GATAD2A: variants seen among roughly 807,000 people sequenced by gnomAD.
The protein encoded by GATAD2A is GATA zinc finger domain containing 2A, also known as transcriptional repressor p66-alpha.
In GATAD2A, 12 loss-of-function variants were observed where a neutral mutation model predicts 68.5. The observed-to-expected ratio is 0.18, with a 90% CI of 0.11 to 0.28. GATAD2A has a LOEUF of 0.28. Among genes scored for constraint, GATAD2A ranks in the 10% least tolerant of loss-of-function variants. GATAD2A has a pLI of 1.00. For synonymous variants in GATAD2A, 410 were observed against 375.3 expected (o/e 1.09, Z -1.07); for missense variants, 755 against 868.5 (o/e 0.87, Z 1.64).
At chr19:19,418,451 A>G (rs2051922335) in intron 1 of GATAD2A, among the ~76,000 whole-genome samples, 1 of 152,236 alleles carries the variant, frequency 6.6e-6, no homozygotes, top group Admixed American at 6.5e-5. Context: ...TATGAATGAA[A>G]TAGCAGCAGA....
chr19:19,470,523 A>C (rs1192742506), intron 2 of GATAD2A, among the ~76,000 whole-genome samples: 1 of 152,236 alleles, frequency 6.6e-6, no homozygotes, highest in Non-Finnish European at 1.5e-5. Context: ...ATTGATGGAA[A>C]TTAATCAGTT....
intron 1 of GATAD2A, among the ~76,000 whole-genome samples, chr19:19,394,020 G>T (rs1321884335): frequency 4.6e-5 from 7 of 151,924 alleles, no homozygotes. Flanking sequence ...CCGAGTAGCT[G>T]GGATTACAGG....
chr19:19,500,059 C>T (rs1328984366), intron 8 of GATAD2A, among the ~76,000 whole-genome samples: 1 of 152,236 alleles, frequency 6.6e-6, no homozygotes, highest in Admixed American at 6.5e-5. Flanking sequence ...ATCCGCTCTC[C>T]CAGACCAGTC....
chr19:19,501,070 A>ACCT, intron 8 of GATAD2A, 48 bp from the exon 9 acceptor site: 1 of 1,548,404 alleles, frequency 6.5e-7, no homozygotes, highest in South Asian at 1.2e-5. Flanking sequence ...CAGGGCCCTG[A>ACCT]CTGTCGTCCT....
intron 1 of GATAD2A, among the ~76,000 whole-genome samples, chr19:19,408,549 T>C (rs2050557711): frequency 6.6e-6 from 1 of 152,218 alleles, no homozygotes. Context: ...ATGTTTTTAA[T>C]GAGGAAACAT....
rs34271697 is a variant in GATAD2A at position 19,446,483 on chromosome 19, G to GT, written c.-6-18846dup. 6.2e-3 allele frequency among the ~76,000 whole-genome samples: 892 copies of GT among 144,040 alleles called. 6 individuals are homozygous for GT. The highest frequency in any genetic ancestry group is 9.1e-3 in the Non-Finnish European group (592 of 65,256). 94.5% of individuals were successfully genotyped at this position (144,040 alleles called of 152,430 possible). A position where few individuals can be genotyped will look rare whatever the true frequency, so the allele number is the denominator to read the frequency against. Reference sequence around the variant, plus strand: ...TATAATTTTTTCCCATTCTATGGGTGTTTTTTTTTTTATTCTATAATGCCC... The same window carrying GT: ...TATAATTTTTTCCCATTCTATGGGTGTTTTTTTTTTTTATTCTATAATGCCC... On this transcript the variant is annotated intron_variant, in intron 1 of 11. Transcript: ENST00000683918.
At chr19:19,499,261 C>T (rs75943419) in intron 8 of GATAD2A, among the ~76,000 whole-genome samples, 15 of 152,298 alleles carry the variant, frequency 9.8e-5, no homozygotes, top group African/African-American at 1.4e-4. Flanking sequence ...GACGGCTGGG[C>T]GGGTGGATCT....
intron 1 of GATAD2A, among the ~76,000 whole-genome samples, chr19:19,429,758 C>T (rs73922882): frequency 1.6e-4 from 25 of 152,062 alleles, no homozygotes; most frequent in East Asian, 5.9e-4. Flanking sequence ...GTGGGAACTC[C>T]GGCCTCCAGT....
intron 2 of GATAD2A, among the ~76,000 whole-genome samples, chr19:19,478,678 C>T (rs778002254): frequency 9.9e-5 from 15 of 151,742 alleles, no homozygotes; most frequent in South Asian, 8.3e-4. Flanking sequence ...AGAGTGGTGG[C>T]GCACACTTGT....
intron 1 of GATAD2A, among the ~76,000 whole-genome samples, chr19:19,448,389 A>G (rs1048163200): frequency 6.6e-6 from 1 of 152,258 alleles, no homozygotes; most frequent in African/African-American, 2.4e-5. Context: ...ACGGCCTCAA[A>G]TGAGGGCAGT....
chr19:19,469,732 G>A (rs865885571), intron 2 of GATAD2A, among the ~76,000 whole-genome samples: 21 of 152,142 alleles, frequency 1.4e-4, no homozygotes, highest in Admixed American at 4.6e-4. Context: ...GGATCACAAG[G>A]TCAGGAGTTT....
At chr19:19,420,312 C>T (rs1310560214) in intron 1 of GATAD2A, among the ~76,000 whole-genome samples, 1 of 142,744 alleles carries the variant, frequency 7.0e-6, no homozygotes, top group Non-Finnish European at 1.5e-5. Context: ...CGAGAGCCGT[C>T]GCGCCCAGCC....
intron 1 of GATAD2A, among the ~76,000 whole-genome samples, chr19:19,439,659 C>T (rs574554320): frequency 2.0e-5 from 3 of 152,058 alleles, no homozygotes; most frequent in Non-Finnish European, 4.4e-5. Context: ...ACCAGCATGG[C>T]CAACATGGTG....
At chr19:19,426,966 TC>T (rs2053169282) in intron 1 of GATAD2A, among the ~76,000 whole-genome samples, 2 of 152,206 alleles carry the variant, frequency 1.3e-5, no homozygotes, top group South Asian at 4.1e-4. Context: ...GTGCTTTTTT[TC>T]TGTACACGCT....
At chr19:19,422,331 G>A (rs2052525753) in intron 1 of GATAD2A, among the ~76,000 whole-genome samples, 1 of 152,180 alleles carries the variant, frequency 6.6e-6, no homozygotes, top group Non-Finnish European at 1.5e-5. Flanking sequence ...TCTTGGAGCA[G>A]GGTTCCCCAG....
intron 2 of GATAD2A, among the ~76,000 whole-genome samples, chr19:19,481,492 AG>A (rs2059057194): frequency 6.6e-6 from 1 of 152,090 alleles, no homozygotes; most frequent in Non-Finnish European, 1.5e-5. Context: ...CACCATGCCC[AG>A]CTTTTTAATT....
intron 1 of GATAD2A, among the ~76,000 whole-genome samples, chr19:19,423,319 A>G (rs999891662): frequency 6.6e-6 from 1 of 152,188 alleles, no homozygotes; most frequent in Admixed American, 6.5e-5. Flanking sequence ...TTCTCTCTTA[A>G]TTGGCGTATG....
intron 4 of GATAD2A, among the ~76,000 whole-genome samples, chr19:19,493,913 G>A (rs529970457): frequency 7.9e-5 from 12 of 152,224 alleles, no homozygotes; most frequent in Admixed American, 2.6e-4. Flanking sequence ...CAGAGTCACC[G>A]TTTTCTCACT....
intron 1 of GATAD2A, among the ~76,000 whole-genome samples, chr19:19,387,066 C>T (rs1231735629): frequency 2.6e-5 from 4 of 152,174 alleles, no homozygotes; most frequent in Non-Finnish European, 5.9e-5. Flanking sequence ...TGAGGGTCCC[C>T]CGCTTTCTTT....
Sources: allele counts gnomAD v4.1 joint callset (sites outside exome capture counted in the v4.1 genomes callset), GRCh38; gene constraint gnomAD v4.1.1; transcripts MANE v1.5; gene names NCBI Gene and HGNC (gene_info 2026-07-23, HGNC 2026-07-21).